The following VPS11 variants were observed in gnomAD, a reference collection of about 807,000 sequenced individuals.
The protein encoded by VPS11 is VPS11 core subunit of CORVET and HOPS complexes.
Under a neutral mutation model 106.8 loss-of-function variants are expected in VPS11, and 51 were observed. That is an observed-to-expected ratio of 0.48 (90% CI 0.38 to 0.60). The LOEUF (loss-of-function observed/expected upper bound fraction) is 0.60, where lower values mean the gene tolerates loss of function less well. Ranked by LOEUF, VPS11 falls within the 20% of genes least tolerant of loss-of-function variation. The probability of loss-of-function intolerance (pLI) is 0.00; values close to 1 mark genes in which losing one functional copy is unlikely to be tolerated. For missense variants in VPS11, 950 were observed against 1,190.0 expected (o/e 0.80, Z 2.97); for synonymous variants, 453 against 458.7 (o/e 0.99, Z 0.16).
chr11:119,077,313 C>T (rs563650679), intron 8 of VPS11, among the ~76,000 whole-genome samples, 188 bp from the exon 9 acceptor site: 68 of 152,154 alleles, frequency 4.5e-4, no homozygotes, highest in African/African-American at 1.5e-3. Flanking sequence ...CTGTCCCTAG[C>T]GGTGTCCCTC....
chr11:119,081,530 T>C lies in VPS11; in HGVS notation c.2733T>C (p.Thr911=). The C allele has an allele frequency of 1.2e-6, 2 of 1,614,000 alleles. No individual in the cohort carries two copies. The highest frequency in any genetic ancestry group is 1.7e-6 in the Non-Finnish European group (2 of 1,179,900). The change falls in exon 16 of 16, where the codon ACT becomes ACC. Residue 911 remains threonine, a synonymous_variant. Coordinates refer to ENST00000621676, the MANE Select transcript of VPS11 (RefSeq NM_021729.6). ...YFGRGVFNKL[T]LLTDPPTARL... is the part of the protein sequence containing the mutation. ...GCAGAGGTGTTTTCAACAAATTGAC[T>C]CTGCTGACCGACCCTCCCACAGCCA...
rs951351111 is a variant in VPS11 at position 119,070,608 on chromosome 11, T to C, written c.636+211T>C. 6.8e-5 allele frequency: 20 copies of C among 292,274 alleles called. No individual in the cohort carries two copies. The African/African-American group carries it at 2.1e-3, about 31-fold the overall frequency. The allele number at this position is 292,274 out of a possible 1,614,324, so 18.1% of individuals were successfully genotyped here. A position where few individuals can be genotyped will look rare whatever the true frequency, so the allele number is the denominator to read the frequency against. ...TTGTAGTAAAAAGATGTGAATTTTC[T>C]TTCTTTTTTTTTTTTGAGACCGAGT... On this transcript the variant is annotated intron_variant, in intron 4 of 15. Coordinates refer to ENST00000621676, the MANE Select transcript of VPS11 (RefSeq NM_021729.6).
rs1332858938 is a variant in VPS11, at chr11:119,078,080, G to A, written c.1761+14G>A. On this transcript the variant is annotated intron_variant, in intron 10 of 15. Transcript: ENST00000621676. ...CCAGGCTGCAGGGTGAGGCTGCAGG[G>A]AAAAGAGCTTCAGACTGTGGGGATC... 1.9e-5 allele frequency: 30 copies of A among 1,609,814 alleles called. No homozygotes were observed. Among genetic ancestry groups the A allele is most frequent in the Non-Finnish European group, 2.5e-5 (29 of 1,179,778 alleles).
Position 119,078,229 on chromosome 11 carries a change from C to T in VPS11, c.1818C>T (p.Ala606=), listed in dbSNP as rs781935851. The change falls in exon 11 of 16, where the codon GCC becomes GCT. Residue 606 remains alanine, a synonymous_variant. Transcript: ENST00000621676. ...CCAATAACCCGCGAGAGCTGAAAGC[C>T]TTCCTAGAGCACATGAGTGAAGTGC... The part of the protein sequence containing the change: ...IFANNPRELK[A]FLEHMSEVQP... The T allele has an allele frequency of 3.1e-6, 5 of 1,613,794 alleles. No homozygotes were observed. Among genetic ancestry groups the T allele is most frequent in the East Asian group, 2.2e-5 (1 of 44,884 alleles).
At chr11:119,073,464 C>T in intron 6 of VPS11, 65 bp downstream of exon 6, 1 of 1,565,146 alleles carries the variant, frequency 6.4e-7, no homozygotes, top group Non-Finnish European at 8.7e-7. Flanking sequence ...AGCAGGTTCC[C>T]CAAGTCATAT....
rs150938408 is a variant in VPS11, at chr11:119,079,715, A to G, written c.2438+415A>G. Among the ~76,000 whole-genome samples, 113 of 152,286 alleles carry G rather than the reference A, an allele frequency of 7.4e-4. No homozygotes were observed. In the East Asian group the frequency reaches 0.015, roughly 21 times the overall value. ...CTCAGCCTCCCAAGTAGCTGGGATT[A>G]CAGGCGTGTGCCACCAAGCCCAGCT... On this transcript the variant is annotated intron_variant, in intron 14 of 15. Transcript: ENST00000621676.
chr11:119,071,496 A>G (rs919638120), intron 4 of VPS11, 100 bp from the exon 5 acceptor site: 5 of 1,465,450 alleles, frequency 3.4e-6, no homozygotes, highest in Admixed American at 4.5e-5. Flanking sequence ...TAGAATGCCA[A>G]GAGGGAAAAA....
rs782320517 is a variant in VPS11, at chr11:119,078,647, T to C, written c.2006T>C (p.Leu669Pro). The stretch of plus-strand genomic sequence containing the variant: ...GACGTCTTTGACAAGGCCCTGGTCC[T>C]GTGCCAGATGCACGACTTCCAGGAT... Reference protein sequence around the residue: ...FCDVFDKALVLCQMHDFQDGV... With the variant: ...FCDVFDKALVPCQMHDFQDGV... Residue 669 changes from leucine (L) to proline (P), a missense_variant, in exon 12 of 16, where the codon CTG becomes CCG. Physicochemically the swap from Leu to Pro is moderately conservative, Grantham distance 98. This residue lies in a region of VPS11 where 453 missense variants were observed against 514.6 expected (regional missense o/e 0.88). Coordinates refer to ENST00000621676, the MANE Select transcript of VPS11 (RefSeq NM_021729.6). The C allele has an allele frequency of 1.2e-6, 2 of 1,613,704 alleles. No homozygotes were observed. The highest frequency in any genetic ancestry group is 8.5e-7 in the Non-Finnish European group (1 of 1,179,638).
intron 1 of VPS11, 191 bp downstream of exon 1, chr11:119,068,201 G>C (rs1945196031): frequency 1.7e-6 from 1 of 581,432 alleles, no homozygotes; most frequent in Non-Finnish European, 2.8e-6. Flanking sequence ...GAGCAATCCT[G>C]GGCAAGTCAT....
chr11:119,068,049 C>T (rs2133640643), intron 1 of VPS11, 39 bp downstream of exon 1: 9 of 1,557,252 alleles, frequency 5.8e-6, no homozygotes. Flanking sequence ...CTCCCGGGAT[C>T]CCGAAGAGAT....
In VPS11 at chr11:119,080,120, G is replaced by A. The variant is rs542110741; in HGVS notation, c.2438+820G>A. Among the ~76,000 whole-genome samples, 12 of 152,054 alleles carry A rather than the reference G, an allele frequency of 7.9e-5. No homozygotes were observed. The South Asian group carries it at 1.9e-3, about 24-fold the overall frequency. On this transcript the variant is annotated intron_variant, in intron 14 of 15. Transcript: ENST00000621676. ...GTCACCCAGGCTAGAGTGCAGTGGC[G>A]CGATCTCAGCTCACAGCAACCTTTA...
intron 3 of VPS11, 23 bp from the exon 4 acceptor site, chr11:119,070,211 G>A (rs376001982): frequency 2.2e-5 from 35 of 1,593,950 alleles, no homozygotes; most frequent in East Asian, 2.0e-4. Context: ...CCTTACTGAA[G>A]TAATTTTCTT....
At position 119,077,596 on chromosome 11, in the gene VPS11, G is replaced by C. The variant is rs1178484596; in HGVS notation, c.1521G>C (p.Glu507Asp). ...ACTCCCATGCCCTGTATCTGGCGGA[G>C]AACCATGCACATCATGAGTGGTACC... ...GYYSHALYLA[E>D]NHAHHEWYLK... is the part of the protein sequence containing the mutation. Residue 507 changes from glutamate (E) to aspartate (D), a missense_variant, in exon 9 of 16, where the codon GAG becomes GAC. By Grantham distance (45) the Glu-to-Asp change is conservative. Around this residue, in one of 3 missense-constraint regions of VPS11, gnomAD observed 435 missense variants for 630.2 expected, o/e 0.69. Transcript: ENST00000621676. 4.3e-6 allele frequency: 7 copies of C among 1,613,266 alleles called. No homozygotes were observed. Among genetic ancestry groups the C allele is most frequent in the African/African-American group, 4.0e-5 (3 of 74,940 alleles).
At chr11:119,077,669 C>T (rs539084079) in intron 9 of VPS11, 22 bp downstream of exon 9, 1 of 1,568,752 alleles carries the variant, frequency 6.4e-7, no homozygotes, top group African/African-American at 1.4e-5. Context: ...TGTCTTTTTT[C>T]CCCAAGAGAC....
intron 5 of VPS11, 27 bp downstream of exon 5, chr11:119,071,870 G>A (rs1272010558): frequency 1.2e-6 from 2 of 1,602,452 alleles, no homozygotes; most frequent in African/African-American, 2.7e-5. Flanking sequence ...AAGGGACAGG[G>A]AGAGGGCTGG....
chr11:119,068,089 G>C (rs192536270), intron 1 of VPS11, 79 bp downstream of exon 1: 279 of 1,444,100 alleles, frequency 1.9e-4, no homozygotes, highest in Non-Finnish European at 2.3e-4. Flanking sequence ...TTTGTCGGAG[G>C]GGTCCGTGCC....
Position 119,073,357 on chromosome 11 carries a change from G to A in VPS11, c.1044G>A (p.Arg348=), listed in dbSNP as rs1945472682. ...TGTACGTGCTGACGCGGGATGGGCG[G>A]GTCCACGCACTGCAGGAGAAGGACA... ...GSLYVLTRDG[R]VHALQEKDTQ... Residue 348 remains arginine, a synonymous_variant, in exon 6 of 16, where the codon CGG becomes CGA. Coordinates refer to ENST00000621676, the MANE Select transcript of VPS11 (RefSeq NM_021729.6). 1.2e-6 allele frequency: 2 copies of A among 1,613,562 alleles called. No homozygotes were observed. The highest frequency in any genetic ancestry group is 1.7e-5 in the Admixed American group (1 of 59,996).
Position 119,077,960 on chromosome 11 carries a change from T to C in VPS11, c.1655T>C (p.Leu552Pro). ...AACATGAAGCGCTACGGCAAGATCC[T>C]CATGCACCACATACCAGAGCAGACA... ...ESNMKRYGKI[L>P]MHHIPEQTTQ... is the part of the protein sequence containing the mutation. The change falls in exon 10 of 16, where the codon CTC becomes CCC. Residue 552 changes from leucine (L) to proline (P), a missense_variant. Physicochemically the swap from Leu to Pro is moderately conservative, Grantham distance 98. Coordinates refer to ENST00000621676, the MANE Select transcript of VPS11 (RefSeq NM_021729.6). 1 of 1,614,024 alleles carries C rather than the reference T, an allele frequency of 6.2e-7. No homozygotes were observed. Among genetic ancestry groups the C allele is most frequent in the Non-Finnish European group, 8.5e-7 (1 of 1,179,900 alleles).
Position 119,071,679 on chromosome 11 carries a change from C to T in VPS11, c.720C>T (p.Asp240=), listed in dbSNP as rs782696405. 1.2e-6 allele frequency: 2 copies of T among 1,614,046 alleles called. No homozygotes were observed. Among genetic ancestry groups the T allele is most frequent in the South Asian group, 1.1e-5 (1 of 91,086 alleles). The change falls in exon 5 of 16, where the codon GAC becomes GAT. Residue 240 remains aspartate, a synonymous_variant. Transcript: ENST00000621676. ...GCCTGCGCTGCTCAGCCCTAAGTGACCCTTCTCAGGACCTGCAGTTCATTG... is the reference window on the plus strand; with the variant it reads ...GCCTGCGCTGCTCAGCCCTAAGTGATCCTTCTCAGGACCTGCAGTTCATTG... ...GCGLRCSALS[D]PSQDLQFIVA...
Sources: allele counts gnomAD v4.1 joint callset (sites outside exome capture counted in the v4.1 genomes callset), GRCh38; gene constraint gnomAD v4.1.1; regional missense constraint gnomAD v4.1.1; transcripts MANE v1.5; gene names NCBI Gene and HGNC (gene_info 2026-07-23, HGNC 2026-07-21).